Variants in FRMD4A observed in about 807,000 individuals in gnomAD.
FRMD4A encodes FERM domain containing 4A.
In FRMD4A, 29 loss-of-function variants were observed where a neutral mutation model predicts 129.1. That is an observed-to-expected ratio of 0.22 (90% CI 0.17 to 0.31). The LOEUF is 0.31. Among genes scored for constraint, FRMD4A ranks in the 10% least tolerant of loss-of-function variants. FRMD4A has a pLI of 1.00. For missense variants in FRMD4A, 1,272 were observed against 1,375.8 expected (o/e 0.92, Z 1.19); for synonymous variants, 634 against 571.6 (o/e 1.11, Z -1.56).
chr10:14,318,273 C>A (rs1353879973), intron 2 of FRMD4A, among the ~76,000 whole-genome samples: 1 of 152,022 alleles, frequency 6.6e-6, no homozygotes, highest in East Asian at 1.9e-4. Flanking sequence ...CATTCACACT[C>A]CCTCATGAGA....
chr10:14,032,094 C>T (rs187416753), intron 2 of FRMD4A, among the ~76,000 whole-genome samples: 308 of 152,258 alleles, frequency 2.0e-3, no homozygotes, highest in African/African-American at 6.7e-3. Context: ...ACGCATTCTA[C>T]CACTGCTGGC....
At chr10:14,269,592 G>T (rs958120353) in intron 2 of FRMD4A, among the ~76,000 whole-genome samples, 1 of 152,054 alleles carries the variant, frequency 6.6e-6, no homozygotes, top group Non-Finnish European at 1.5e-5. Flanking sequence ...CCCCAACAGA[G>T]AAAAGTTATC....
At chr10:13,877,727 C>T (rs373398025) in intron 2 of FRMD4A, among the ~76,000 whole-genome samples, 1 of 152,214 alleles carries the variant, frequency 6.6e-6, no homozygotes, top group Admixed American at 6.5e-5. Context: ...ACTTCTTGGT[C>T]TTGCATGAGC....
intron 2 of FRMD4A, among the ~76,000 whole-genome samples, chr10:14,276,717 C>T (rs1845353705): frequency 6.6e-6 from 1 of 152,234 alleles, no homozygotes; most frequent in East Asian, 1.9e-4. Flanking sequence ...CAGGGCCTCA[C>T]TGTCCTGTTG....
At chr10:14,009,443 A>G (rs2095673484) in intron 2 of FRMD4A, among the ~76,000 whole-genome samples, 1 of 152,144 alleles carries the variant, frequency 6.6e-6, no homozygotes, top group South Asian at 2.1e-4. Flanking sequence ...GATACCACTC[A>G]TACGCTCTGG....
rs1259064616 is a variant in FRMD4A at position 13,663,449 on chromosome 10, C to A, written c.1660+4G>T. The A allele has an allele frequency of 2.8e-6, 4 of 1,444,226 alleles. No individual in the cohort carries two copies. The highest frequency in any genetic ancestry group is 3.9e-6 in the Non-Finnish European group (4 of 1,024,720). 89.5% of individuals were successfully genotyped at this position (1,444,226 alleles called of 1,614,324 possible). On this transcript the variant is annotated splice_donor_region_variant and intron_variant, in intron 19 of 24. Coordinates refer to ENST00000357447, the MANE Select transcript of FRMD4A (RefSeq NM_018027.5). ...GTTTGTAAGCAGGAAATGCATAAAC[C>A]TACCATCCTCAAGAACAAGGGCATC...
At chr10:13,804,182 C>T (rs1243394768) in intron 4 of FRMD4A, among the ~76,000 whole-genome samples, 5 of 152,192 alleles carry the variant, frequency 3.3e-5, no homozygotes, top group Admixed American at 6.5e-5. Context: ...AAGCCAGGCA[C>T]GGAGGCTGCA....
At chr10:14,006,620 A>G (rs894157080) in intron 2 of FRMD4A, among the ~76,000 whole-genome samples, 11 of 152,170 alleles carry the variant, frequency 7.2e-5, no homozygotes, top group African/African-American at 2.7e-4. Context: ...CAATGTGGCC[A>G]TTCACACAGC....
At chr10:13,762,811 T>C in intron 6 of FRMD4A, 131 bp from the exon 7 acceptor site, 1 of 648,824 alleles carries the variant, frequency 1.5e-6, no homozygotes, top group Non-Finnish European at 2.8e-6. Flanking sequence ...CTGGGCAACA[T>C]AATGAGATGC....
intron 2 of FRMD4A, among the ~76,000 whole-genome samples, chr10:13,922,697 C>A (rs544560202): frequency 6.6e-6 from 1 of 152,114 alleles, no homozygotes; most frequent in East Asian, 1.9e-4. Flanking sequence ...AAACAGGAGA[C>A]AAAATTAGCA....
At chr10:14,053,269 C>T (rs1834350388) in intron 2 of FRMD4A, among the ~76,000 whole-genome samples, 1 of 152,124 alleles carries the variant, frequency 6.6e-6, no homozygotes, top group Admixed American at 6.5e-5. Flanking sequence ...GGCACTGATC[C>T]CTGATGGTGG....
chr10:14,179,298 T>C (rs1841832758), intron 2 of FRMD4A, among the ~76,000 whole-genome samples: 1 of 152,228 alleles, frequency 6.6e-6, no homozygotes, highest in African/African-American at 2.4e-5. Context: ...GATTGTGACC[T>C]AAGCACCGTG....
At chr10:13,688,285 A>G (rs1472219073) in intron 15 of FRMD4A, among the ~76,000 whole-genome samples, 1 of 152,170 alleles carries the variant, frequency 6.6e-6, no homozygotes, top group Non-Finnish European at 1.5e-5. Context: ...TCGGCAAACT[A>G]TAGCAAGCAC....
At chr10:13,966,221 C>A (rs1052756195) in intron 2 of FRMD4A, among the ~76,000 whole-genome samples, 5 of 152,128 alleles carry the variant, frequency 3.3e-5, no homozygotes, top group Non-Finnish European at 4.4e-5. Context: ...CAGGGTTTCA[C>A]CATGTTGGCC....
intron 2 of FRMD4A, among the ~76,000 whole-genome samples, chr10:14,231,011 T>G (rs1341699578): frequency 6.6e-6 from 1 of 152,194 alleles, no homozygotes; most frequent in African/African-American, 2.4e-5. Context: ...ATATGTACCA[T>G]GTTTCTTTAT....
At chr10:13,888,965 G>A (rs373830753) in intron 2 of FRMD4A, among the ~76,000 whole-genome samples, 2 of 152,296 alleles carry the variant, frequency 1.3e-5, no homozygotes, top group South Asian at 2.1e-4. Context: ...CTTTCATTCA[G>A]TATGATGCGT....
intron 3 of FRMD4A, 60 bp from the exon 4 acceptor site, chr10:13,810,968 T>C: frequency 1.2e-6 from 1 of 809,934 alleles, no homozygotes; most frequent in Non-Finnish European, 2.1e-6. Flanking sequence ...TCCTAAAATA[T>C]GCAATCTCAG....
At chr10:14,091,172 A>C (rs1478992171) in intron 2 of FRMD4A, among the ~76,000 whole-genome samples, 1 of 152,182 alleles carries the variant, frequency 6.6e-6, no homozygotes, top group African/African-American at 2.4e-5. Context: ...TTTCCACAAA[A>C]TTCACTTAAT....
rs1301042869 is a variant in FRMD4A at position 14,186,697 on chromosome 10, G to A, written c.45+143361C>T. ...TACCTATCTTCATATCCTCATGAGA[G>A]AAGGGAGGGTTATCAGCCTCTGAGG... On this transcript the variant is annotated intron_variant, in intron 2 of 24. Transcript: ENST00000357447. Among the ~76,000 whole-genome samples, 9 of 152,146 alleles carry A rather than the reference G, an allele frequency of 5.9e-5. No individual in the cohort carries two copies. In the East Asian group the frequency reaches 1.5e-3, roughly 26 times the overall value.
Sources: gnomAD v4.1 joint callset for allele counts (sites outside exome capture counted in the v4.1 genomes callset) on GRCh38, gnomAD v4.1.1 for gene constraint, MANE v1.5 for transcripts, NCBI Gene and HGNC (gene_info 2026-07-23, HGNC 2026-07-21) for gene names.